Variants in BAZ1A observed in about 807,000 individuals in gnomAD.
BAZ1A encodes bromodomain adjacent to zinc finger domain protein 1A.
Under a neutral mutation model 185.2 loss-of-function variants are expected in BAZ1A, and 50 were observed. The observed-to-expected ratio is 0.27, with a 90% CI of 0.22 to 0.34. The LOEUF (loss-of-function observed/expected upper bound fraction) is 0.34. Ranked by LOEUF, BAZ1A falls within the 10% of genes least tolerant of loss-of-function variation. The probability of loss-of-function intolerance (pLI) is 1.00; values close to 1 mark genes in which losing one functional copy is unlikely to be tolerated. For missense variants in BAZ1A, 1,356 were observed against 1,839.9 expected (o/e 0.74, Z 4.81); for synonymous variants, 571 against 615.6 (o/e 0.93, Z 1.07).
At position 34,821,898 on chromosome 14, in the gene BAZ1A, C is replaced by T. The variant is rs890419757; in HGVS notation, c.536+4115G>A. Among the ~76,000 whole-genome samples the T allele has an allele frequency of 9.2e-5, 14 of 152,162 alleles. No homozygotes were observed. The South Asian group carries it at 1.7e-3, about 18-fold the overall frequency. On this transcript the variant is annotated intron_variant, in intron 4 of 26. Coordinates refer to ENST00000360310, the MANE Select transcript of BAZ1A (RefSeq NM_013448.3). ...ACTCCGGAGGCTGAGGCAGGAGAAT[C>T]GCTTGAACCTGGAAGGCAGAGGTTG...
rs576487586 is a variant in BAZ1A at position 34,818,702 on chromosome 14, T to C, written c.536+7311A>G. On this transcript the variant is annotated intron_variant, in intron 4 of 26. Transcript: ENST00000360310. Reference sequence around the variant, plus strand: ...TCCCACCCAGGACATGAATCTTCCATTTGTCTTACATATCCACACTGTATA... The same window carrying C: ...TCCCACCCAGGACATGAATCTTCCACTTGTCTTACATATCCACACTGTATA... 1.6e-4 allele frequency among the ~76,000 whole-genome samples: 25 copies of C among 152,256 alleles called. No individual in the cohort carries two copies. In the South Asian group the frequency reaches 5.2e-3, roughly 32 times the overall value.
chr14:34,841,042 G>A (rs1490525621), intron 3 of BAZ1A, among the ~76,000 whole-genome samples: 1 of 151,790 alleles, frequency 6.6e-6, no homozygotes. Flanking sequence ...TCCACCTCCC[G>A]AGTTCAAGCA....
At chr14:34,807,600 C>T (rs1475596655) in intron 5 of BAZ1A, 62 bp from the exon 6 acceptor site, 9 of 1,160,810 alleles carry the variant, frequency 7.8e-6, no homozygotes, top group Non-Finnish European at 1.0e-5. Flanking sequence ...AACCCCAACT[C>T]CATAATCTCT....
intron 2 of BAZ1A, among the ~76,000 whole-genome samples, chr14:34,873,866 G>A (rs1019787333): frequency 3.3e-5 from 5 of 152,164 alleles, no homozygotes; most frequent in African/African-American, 4.8e-5. Context: ...GGCCGCGGAC[G>A]GAGGCTCTCG....
At chr14:34,853,414 C>A (rs1175796126) in intron 3 of BAZ1A, among the ~76,000 whole-genome samples, 4 of 152,172 alleles carry the variant, frequency 2.6e-5, no homozygotes, top group Admixed American at 6.5e-5. Flanking sequence ...TAATCTGTTA[C>A]CTGATTGCTT....
intron 6 of BAZ1A, among the ~76,000 whole-genome samples, chr14:34,803,380 G>GAAAAAA (rs11448366): frequency 1.7e-5 from 2 of 114,880 alleles, no homozygotes; most frequent in African/African-American, 3.4e-5. Context: ...TCCATCTCAG[G>GAAAAAA]AAAAAAAAAA....
At chr14:34,851,822 A>G (rs1050482995) in intron 3 of BAZ1A, among the ~76,000 whole-genome samples, 1 of 152,140 alleles carries the variant, frequency 6.6e-6, no homozygotes, top group Non-Finnish European at 1.5e-5. Context: ...ATCTGTTTGC[A>G]TGGCGTTCTT....
intron 2 of BAZ1A, among the ~76,000 whole-genome samples, chr14:34,864,136 A>T (rs1028630528): frequency 6.6e-4 from 99 of 150,558 alleles, no homozygotes; most frequent in African/African-American, 2.2e-3. Flanking sequence ...TTGAATTTTT[A>T]TTTTTTTTTA....
intron 4 of BAZ1A, among the ~76,000 whole-genome samples, chr14:34,819,279 A>G (rs951771186): frequency 2.0e-5 from 3 of 152,026 alleles, no homozygotes; most frequent in Non-Finnish European, 2.9e-5. Flanking sequence ...CTTGGAACAT[A>G]TCCCCCATGG....
chr14:34,806,650 A>G (rs1881870592), intron 6 of BAZ1A, among the ~76,000 whole-genome samples: 1 of 152,206 alleles, frequency 6.6e-6, no homozygotes, highest in African/African-American at 2.4e-5. Context: ...GTGCAATGTG[A>G]AATCTCTAAA....
At chr14:34,872,450 CAG>C (rs2042963148) in intron 2 of BAZ1A, among the ~76,000 whole-genome samples, 1 of 151,916 alleles carries the variant, frequency 6.6e-6, no homozygotes, top group Non-Finnish European at 1.5e-5. Context: ...AAAAATTAGC[CAG>C]AGTGGTGGCA....
chr14:34,775,895 AAAC>A (rs758678509), intron 18 of BAZ1A, 21 bp downstream of exon 18: 3 of 1,547,504 alleles, frequency 1.9e-6, no homozygotes, highest in East Asian at 4.5e-5. Context: ...AAAAAAGTAA[AAAC>A]AATTTTCATT....
chr14:34,862,091 T>C lies in BAZ1A; in HGVS notation c.345A>G (p.Arg115=), dbSNP rs1322382442. The part of the protein sequence containing the change: ...CDDIFAYVKD[R]YFVEETVEVI... ...CTTCCACAGTTTCTTCGACAAAATA[T>C]CGATCCTTGACATATGCAAAGATAT... Residue 115 remains arginine, a synonymous_variant, in exon 3 of 27, where the codon CGA becomes CGG. Coordinates refer to ENST00000360310, the MANE Select transcript of BAZ1A (RefSeq NM_013448.3). 2 of 1,614,068 alleles carry C rather than the reference T, an allele frequency of 1.2e-6. No individual in the cohort carries two copies. Among genetic ancestry groups the C allele is most frequent in the Non-Finnish European group, 1.7e-6 (2 of 1,180,032 alleles).
chr14:34,798,091 A>T (rs1881302761), intron 9 of BAZ1A, among the ~76,000 whole-genome samples: 1 of 152,208 alleles, frequency 6.6e-6, no homozygotes, highest in Non-Finnish European at 1.5e-5. Flanking sequence ...TCTGAGATCG[A>T]CCTGCGAGGC....
intron 9 of BAZ1A, among the ~76,000 whole-genome samples, chr14:34,798,022 C>T (rs113476507): frequency 6.6e-6 from 1 of 152,390 alleles, no homozygotes; most frequent in African/African-American, 2.4e-5. Flanking sequence ...AGATTATATC[C>T]CGTGCCTGGC....
At chr14:34,773,397 A>G (rs1027869707) in intron 20 of BAZ1A, among the ~76,000 whole-genome samples, 175 bp downstream of exon 20, 2 of 152,068 alleles carry the variant, frequency 1.3e-5, no homozygotes, top group African/African-American at 4.8e-5. Context: ...AAGTGGAGTA[A>G]CAGAGATCCT....
At chr14:34,863,459 G>A (rs1025063900) in intron 2 of BAZ1A, among the ~76,000 whole-genome samples, 12 of 151,126 alleles carry the variant, frequency 7.9e-5, no homozygotes, top group East Asian at 2.0e-4. Flanking sequence ...CACCGCGCCC[G>A]GCCATGCTCA....
intron 4 of BAZ1A, among the ~76,000 whole-genome samples, chr14:34,812,216 G>A (rs1383534209): frequency 6.7e-6 from 1 of 150,170 alleles, no homozygotes; most frequent in Non-Finnish European, 1.5e-5. Context: ...TGATATTTAA[G>A]CAGAGATCTG....
chr14:34,856,495 T>A (rs900135769), intron 3 of BAZ1A, among the ~76,000 whole-genome samples: 1 of 152,048 alleles, frequency 6.6e-6, no homozygotes, highest in Non-Finnish European at 1.5e-5. Context: ...CCGTGTTGCC[T>A]AGGCTGCTTA....
Sources: gnomAD v4.1 joint callset for allele counts (sites outside exome capture counted in the v4.1 genomes callset) on GRCh38, gnomAD v4.1.1 for gene constraint, MANE v1.5 for transcripts, NCBI Gene and HGNC (gene_info 2026-07-23, HGNC 2026-07-21) for gene names.